The following PDGFC variants were observed in gnomAD, a reference collection of about 807,000 sequenced individuals.
PDGFC encodes the protein platelet derived growth factor C.
A neutral mutation model predicts 35.5 loss-of-function variants in PDGFC; 12 were observed. That is an observed-to-expected ratio of 0.34 (90% CI 0.22 to 0.55). The LOEUF is 0.55. Among genes scored for constraint, PDGFC ranks in the 20% least tolerant of loss-of-function variants. The pLI is 0.91. For missense variants in PDGFC, 322 were observed against 412.4 expected, an observed-to-expected ratio of 0.78 and a Z score of 1.90; for synonymous variants, 159 against 148.8, an observed-to-expected ratio of 1.07 and a Z score of -0.50.
chr4:156,902,063 A>G (rs1205631063), intron 1 of PDGFC, among the ~76,000 whole-genome samples: 3 of 152,228 alleles, frequency 2.0e-5, no homozygotes, highest in African/African-American at 4.8e-5. Context: ...CTCCACATAA[A>G]GATGAGTAAT....
chr4:156,946,095 T>C (rs1731940429), intron 1 of PDGFC, among the ~76,000 whole-genome samples: 1 of 152,096 alleles, frequency 6.6e-6, no homozygotes, highest in Non-Finnish European at 1.5e-5. Context: ...GGTTATGTCC[T>C]GCCTATTAAA....
At chr4:156,879,722 C>A (rs1479396148) in intron 1 of PDGFC, among the ~76,000 whole-genome samples, 1 of 152,192 alleles carries the variant, frequency 6.6e-6, no homozygotes, top group Non-Finnish European at 1.5e-5. Context: ...TGATAACATA[C>A]TATTGTTCCT....
intron 2 of PDGFC, among the ~76,000 whole-genome samples, chr4:156,817,881 A>G (rs1294630540): frequency 1.3e-5 from 2 of 151,626 alleles, no homozygotes. Flanking sequence ...CTACATGGTG[A>G]AACCCCATCT....
chr4:156,823,326 T>A (rs1732322904), intron 2 of PDGFC, among the ~76,000 whole-genome samples: 1 of 152,176 alleles, frequency 6.6e-6, no homozygotes, highest in African/African-American at 2.4e-5. Context: ...CCCTTATCTG[T>A]AAAATGGGGA....
At chr4:156,904,876 G>T (rs1376679217) in intron 1 of PDGFC, among the ~76,000 whole-genome samples, 1 of 152,130 alleles carries the variant, frequency 6.6e-6, no homozygotes, top group African/African-American at 2.4e-5. Context: ...TGACAGCAGA[G>T]AATTGATATG....
intron 2 of PDGFC, among the ~76,000 whole-genome samples, chr4:156,820,348 A>G (rs557347938): frequency 3.5e-4 from 53 of 152,350 alleles, no homozygotes; most frequent in Middle Eastern, 3.4e-3. Context: ...ATCAATCAAC[A>G]TGTCAAAGTT....
intron 2 of PDGFC, among the ~76,000 whole-genome samples, chr4:156,821,169 A>ATGTGTGTGTGTGTGTG (rs3067734): frequency 7.0e-6 from 1 of 142,700 alleles, no homozygotes; most frequent in Non-Finnish European, 1.5e-5. Context: ...TGCCTGTTGT[A>ATGTGTGTGTGTGTGTG]TGTGTGTGTG....
chr4:156,898,273 C>A (rs1188700604), intron 1 of PDGFC, among the ~76,000 whole-genome samples: 1 of 152,136 alleles, frequency 6.6e-6, no homozygotes, highest in African/African-American at 2.4e-5. Flanking sequence ...GACTTCCCAG[C>A]CTCAAGAACC....
intron 1 of PDGFC, among the ~76,000 whole-genome samples, chr4:156,875,627 G>A (rs1730096151): frequency 1.3e-5 from 2 of 152,128 alleles, no homozygotes. Context: ...TACCTCAAAA[G>A]TGATTTAAGG....
intron 3 of PDGFC, among the ~76,000 whole-genome samples, chr4:156,800,236 T>A (rs770293277): frequency 6.6e-5 from 10 of 152,158 alleles, no homozygotes; most frequent in African/African-American, 9.6e-5. Flanking sequence ...TTTGCCTGAC[T>A]CAAGTATTTT....
intron 3 of PDGFC, among the ~76,000 whole-genome samples, chr4:156,783,744 T>G (rs1731042567): frequency 6.6e-6 from 1 of 152,190 alleles, no homozygotes; most frequent in Non-Finnish European, 1.5e-5. Context: ...CTTTTGGATA[T>G]TTTGATCTCC....
chr4:156,930,590 G>A (rs112250968), intron 1 of PDGFC, among the ~76,000 whole-genome samples: 2,467 of 152,240 alleles, frequency 0.016, 59 homozygotes, highest in African/African-American at 0.056. Context: ...GGTTTAGGCC[G>A]GGCGCAGCGT....
intron 1 of PDGFC, among the ~76,000 whole-genome samples, chr4:156,937,281 A>T (rs1731705688): frequency 6.6e-6 from 1 of 152,198 alleles, no homozygotes; most frequent in Admixed American, 6.5e-5. Flanking sequence ...AACGCATAAA[A>T]TTATGTCTAA....
intron 2 of PDGFC, among the ~76,000 whole-genome samples, chr4:156,839,285 C>T (rs558711300): frequency 2.6e-5 from 4 of 152,314 alleles, no homozygotes; most frequent in African/African-American, 9.6e-5. Flanking sequence ...TTTCTCCCAA[C>T]ATGGGGCAGT....
chr4:156,833,655 T>G (rs2111030708), intron 2 of PDGFC, among the ~76,000 whole-genome samples: 1 of 152,336 alleles, frequency 6.6e-6, no homozygotes, highest in Non-Finnish European at 1.5e-5. Context: ...GCCTAGCAAA[T>G]AATTTAACAG....
chr4:156,953,117 A>G (rs1732121823), intron 1 of PDGFC, among the ~76,000 whole-genome samples: 1 of 151,956 alleles, frequency 6.6e-6, no homozygotes, highest in Admixed American at 6.6e-5. Flanking sequence ...CCCTTAAGTA[A>G]AAGGATTTAC....
intron 1 of PDGFC, among the ~76,000 whole-genome samples, chr4:156,853,336 T>C (rs1312029116): frequency 6.6e-6 from 1 of 152,150 alleles, no homozygotes; most frequent in Non-Finnish European, 1.5e-5. Context: ...GGTTGTATAT[T>C]AGTTAGACTA....
intron 1 of PDGFC, among the ~76,000 whole-genome samples, chr4:156,911,530 T>TGC (rs1190700997): frequency 1.1e-4 from 16 of 152,240 alleles, no homozygotes; most frequent in African/African-American, 3.6e-4. Flanking sequence ...GCAGGGCTTA[T>TGC]TATATATACT....
intron 3 of PDGFC, among the ~76,000 whole-genome samples, chr4:156,790,265 A>G (rs1731258417): frequency 1.3e-5 from 2 of 152,242 alleles, no homozygotes. Context: ...ATTATTAGCA[A>G]TGGTGAAGGT....
Sources: allele counts gnomAD v4.1 joint callset (sites outside exome capture counted in the v4.1 genomes callset), GRCh38; gene constraint gnomAD v4.1.1; transcripts MANE v1.5; gene names NCBI Gene and HGNC (gene_info 2026-07-23, HGNC 2026-07-21).